Variants in GRAMD1B observed in about 807,000 individuals in gnomAD.
GRAMD1B encodes GRAM domain containing 1B.
In GRAMD1B, 37 loss-of-function variants were observed where a neutral mutation model predicts 99.7. The ratio of observed to expected loss-of-function variants is 0.37; its 90% CI spans 0.29 to 0.49. GRAMD1B has a LOEUF of 0.49. Among genes scored for constraint, GRAMD1B ranks in the 20% least tolerant of loss-of-function variants. The pLI is 0.98. For missense variants in GRAMD1B, 888 were observed against 1,009.2 expected, an observed-to-expected ratio of 0.88 and a Z score of 1.63; for synonymous variants, 427 against 387.6, an observed-to-expected ratio of 1.10 and a Z score of -1.19.
chr11:123,613,717 C>T, intron 16 of GRAMD1B, 59 bp downstream of exon 16: 2 of 1,190,672 alleles, frequency 1.7e-6, no homozygotes, highest in Non-Finnish European at 1.2e-6. Context: ...GCTGCATGCC[C>T]ACACCAAGGC....
At chr11:123,581,505 A>G (rs1326777264) in intron 3 of GRAMD1B, among the ~76,000 whole-genome samples, 2 of 152,130 alleles carry the variant, frequency 1.3e-5, no homozygotes, top group African/African-American at 4.8e-5. Flanking sequence ...CGGGGATTGA[A>G]TGTGCCTCTG....
At chr11:123,506,168 G>C (rs1234229136) in intron 2 of GRAMD1B, among the ~76,000 whole-genome samples, 5 of 152,186 alleles carry the variant, frequency 3.3e-5, no homozygotes, top group African/African-American at 1.2e-4. Context: ...ATGTCCCAGA[G>C]TGCAGCGGGG....
At chr11:123,604,990 A>C (rs995065068) in intron 9 of GRAMD1B, among the ~76,000 whole-genome samples, 4 of 152,296 alleles carry the variant, frequency 2.6e-5, no homozygotes, top group African/African-American at 9.6e-5. Context: ...CAGAGGCTTC[A>C]AATAGGATGG....
intron 2 of GRAMD1B, among the ~76,000 whole-genome samples, chr11:123,553,411 A>G (rs2135895992): frequency 6.6e-6 from 1 of 152,310 alleles, no homozygotes; most frequent in Admixed American, 6.5e-5. Flanking sequence ...ATTTTGTCCC[A>G]GGGAAGGCTT....
intron 1 of GRAMD1B, among the ~76,000 whole-genome samples, chr11:123,431,517 C>T (rs1220778168): frequency 6.6e-6 from 1 of 152,232 alleles, no homozygotes; most frequent in Non-Finnish European, 1.5e-5. Context: ...TTGCGCACTT[C>T]ATGTACCTCC....
chr11:123,410,359 T>A (rs1270375071), intron 1 of GRAMD1B, among the ~76,000 whole-genome samples: 2 of 151,744 alleles, frequency 1.3e-5, no homozygotes, highest in African/African-American at 4.8e-5. Context: ...AATGTTATGA[T>A]GGGGTGGAAG....
In GRAMD1B at chr11:123,510,545, G is replaced by C. The variant is rs1222796072; in HGVS notation, c.452+29652G>C. Among the ~76,000 whole-genome samples the C allele has an allele frequency of 6.6e-5, 10 of 152,130 alleles. No homozygotes were observed. The highest frequency in any genetic ancestry group is 2.6e-4 in the Admixed American group (4 of 15,280). ...GGAAGTCCCAGGGGGCCAGAGAGTG[G>C]AAATAGGTGTCTTATTTTCCCCAGC... On this transcript the variant is annotated intron_variant, in intron 2 of 19. Transcript: ENST00000635736. The surrounding 1 kb of genome is among the most constrained non-coding windows in gnomAD (Gnocchi z 4.3).
chr11:123,592,634 A>C (rs928478165), intron 4 of GRAMD1B, among the ~76,000 whole-genome samples: 2 of 152,164 alleles, frequency 1.3e-5, no homozygotes, highest in African/African-American at 2.4e-5. Context: ...TCTTGATTCC[A>C]TATCTCAGTG....
chr11:123,505,149 A>G (rs191586845), intron 2 of GRAMD1B, among the ~76,000 whole-genome samples: 102 of 151,852 alleles, frequency 6.7e-4, no homozygotes, highest in African/African-American at 2.4e-3. Flanking sequence ...TATTTTCCTT[A>G]TTTTAGTGAC....
chr11:123,367,435 A>T (rs755960997), intron 1 of GRAMD1B, among the ~76,000 whole-genome samples: 1 of 152,144 alleles, frequency 6.6e-6, no homozygotes, highest in African/African-American at 2.4e-5. Flanking sequence ...TTTTCAGAAG[A>T]GGTTATATTT....
rs542198220 is a variant in GRAMD1B at position 123,478,651 on chromosome 11, C to T, written c.375-2165C>T. 5.9e-5 allele frequency among the ~76,000 whole-genome samples: 9 copies of T among 152,168 alleles called. No homozygotes were observed. The South Asian group carries it at 1.2e-3, about 21-fold the overall frequency. On this transcript the variant is annotated intron_variant, in intron 1 of 19. Coordinates refer to ENST00000635736, the MANE Select transcript of GRAMD1B (RefSeq NM_001387025.1). ...TTTTTCTGAAATCCTGGTAGATGGC[C>T]TTGAGTTCTGGGAGCCCCCTTTATT...
chr11:123,570,523 A>G (rs978983359), intron 2 of GRAMD1B, among the ~76,000 whole-genome samples: 1 of 148,834 alleles, frequency 6.7e-6, no homozygotes, highest in Non-Finnish European at 1.5e-5. Flanking sequence ...TCCTGGGTTC[A>G]ACTGATTGTC....
intron 2 of GRAMD1B, among the ~76,000 whole-genome samples, chr11:123,570,494 A>G (rs758220924): frequency 3.4e-5 from 5 of 145,406 alleles, no homozygotes; most frequent in Admixed American, 2.8e-4. Context: ...CACAATCTCA[A>G]CTCCCTGAAA....
rs915329442 is a variant in GRAMD1B at position 123,444,589 on chromosome 11, G to GC, written c.374+13423_374+13424insC. Among the ~76,000 whole-genome samples, 6 of 151,304 alleles carry GC rather than the reference G, an allele frequency of 4.0e-5. No individual in the cohort carries two copies. In the East Asian group the frequency reaches 1.2e-3, roughly 29 times the overall value. ...CCACGTCTTTCCATGGCCCGAATTA[G>GC]TTTTTTTTTTCTTTGGGTCCCCTTG... On this transcript the variant is annotated intron_variant, in intron 1 of 19. Transcript: ENST00000635736.
chr11:123,467,470 C>G (rs924587478), intron 1 of GRAMD1B, among the ~76,000 whole-genome samples: 5 of 149,328 alleles, frequency 3.3e-5, no homozygotes, highest in Non-Finnish European at 5.9e-5. Flanking sequence ...TCCTGCCCAC[C>G]TTCTCATGGA....
intron 2 of GRAMD1B, among the ~76,000 whole-genome samples, chr11:123,509,106 G>C (rs936251134): frequency 1.3e-5 from 2 of 152,134 alleles, no homozygotes; most frequent in African/African-American, 4.8e-5. Flanking sequence ...TAAATAAGGA[G>C]GGGTCAGTTT....
chr11:123,420,076 A>C (rs1006516220), intron 1 of GRAMD1B, among the ~76,000 whole-genome samples: 1 of 152,250 alleles, frequency 6.6e-6, no homozygotes, highest in Non-Finnish European at 1.5e-5. Context: ...CTACCTGTGG[A>C]AGCTAAACTA....
rs980825073 is a variant in GRAMD1B at position 123,599,117 on chromosome 11, C to A, written c.970-1351C>A. 22 of 849,436 alleles carry A rather than the reference C, an allele frequency of 2.6e-5. No individual in the cohort carries two copies. The African/African-American group carries it at 3.3e-4, about 13-fold the overall frequency. 52.6% of individuals were successfully genotyped at this position (849,436 alleles called of 1,614,324 possible). On this transcript the variant is annotated intron_variant, in intron 7 of 19. Transcript: ENST00000635736. ...TTGGATTCTCTCGAGCCTTCAGGAG[C>A]TCCTCAAATTCCACTGACATTGCCA...
intron 2 of GRAMD1B, among the ~76,000 whole-genome samples, chr11:123,533,354 A>G (rs1039453386): frequency 1.3e-5 from 2 of 152,190 alleles, no homozygotes; most frequent in African/African-American, 4.8e-5. Context: ...TGTAATGGTA[A>G]TGTGATGATA....
Sources: gnomAD v4.1 joint callset for allele counts (sites outside exome capture counted in the v4.1 genomes callset) on GRCh38, gnomAD v4.1.1 for gene constraint, Gnocchi (gnomAD v3.1) non-coding constraint, MANE v1.5 for transcripts, NCBI Gene and HGNC (gene_info 2026-07-23, HGNC 2026-07-21) for gene names.